HDAC9: variants seen among roughly 807,000 people sequenced by gnomAD.
HDAC9 encodes MEF-2 interacting transcription repressor (MITR) protein.
A neutral mutation model predicts 139.4 loss-of-function variants in HDAC9; 41 were observed. That is an observed-to-expected ratio of 0.29 (90% CI 0.23 to 0.38). The LOEUF is 0.38. HDAC9 is among the 10% of genes least tolerant of loss of function. The pLI, the probability that HDAC9 is intolerant of heterozygous loss-of-function variation, is 1.00. For missense variants in HDAC9, 1,147 were observed against 1,297.0 expected (o/e 0.88, Z 1.78); for synonymous variants, 517 against 476.2 (o/e 1.09, Z -1.12).
At chr7:18,267,790 C>A (rs1007495484) in intron 2 of HDAC9, among the ~76,000 whole-genome samples, 1 of 152,072 alleles carries the variant, frequency 6.6e-6, no homozygotes, top group Non-Finnish European at 1.5e-5. Flanking sequence ...ATATTTACTT[C>A]ATTTCCTTTT....
chr7:18,454,733 A>G (rs564797983), intron 1 of HDAC9, among the ~76,000 whole-genome samples: 1 of 152,230 alleles, frequency 6.6e-6, no homozygotes, highest in East Asian at 1.9e-4. Context: ...TGCTATTTTC[A>G]GCATTTATCC....
At chr7:18,128,834 C>A (rs1467451465) in intron 1 of HDAC9, among the ~76,000 whole-genome samples, 1 of 152,038 alleles carries the variant, frequency 6.6e-6, no homozygotes, top group Non-Finnish European at 1.5e-5. Flanking sequence ...TGTCTTCCTT[C>A]CCTCTCTTCC....
chr7:18,374,687 C>G (rs1040338237), intron 1 of HDAC9, among the ~76,000 whole-genome samples: 2 of 151,878 alleles, frequency 1.3e-5, no homozygotes, highest in African/African-American at 4.8e-5. Flanking sequence ...CATTGTTATG[C>G]TGGGTGTCTC....
At chr7:18,912,211 T>C (rs971346956) in intron 22 of HDAC9, among the ~76,000 whole-genome samples, 1 of 152,074 alleles carries the variant, frequency 6.6e-6, no homozygotes, top group Non-Finnish European at 1.5e-5. Context: ...GCTCAATTCA[T>C]CTTATTATCA....
intron 3 of HDAC9, among the ~76,000 whole-genome samples, chr7:18,588,065 A>G (rs557474712): frequency 1.3e-5 from 2 of 152,354 alleles, no homozygotes; most frequent in South Asian, 2.1e-4. Flanking sequence ...ATTGAAGCCA[A>G]AACACCAAAG....
chr7:18,692,011 C>T (rs1782708102), intron 12 of HDAC9, among the ~76,000 whole-genome samples: 1 of 152,012 alleles, frequency 6.6e-6, no homozygotes, highest in Non-Finnish European at 1.5e-5. Flanking sequence ...TCTCAAGTTC[C>T]TCATCAATGA....
At chr7:18,187,296 G>T (rs1789990116) in intron 2 of HDAC9, among the ~76,000 whole-genome samples, 1 of 152,162 alleles carries the variant, frequency 6.6e-6, no homozygotes. Context: ...TATAAATGAG[G>T]ATACTGAGGG....
intron 1 of HDAC9, among the ~76,000 whole-genome samples, chr7:18,304,468 G>A (rs1316992987): frequency 1.3e-5 from 2 of 152,082 alleles, no homozygotes; most frequent in Non-Finnish European, 2.9e-5. Flanking sequence ...TTAATTCTTA[G>A]CAAGCATCAT....
chr7:18,320,640 C>T (rs1462945088), intron 1 of HDAC9, among the ~76,000 whole-genome samples: 1 of 152,142 alleles, frequency 6.6e-6, no homozygotes, highest in Non-Finnish European at 1.5e-5. Context: ...CTTCATTGTG[C>T]TCTGGTATAT....
intron 2 of HDAC9, among the ~76,000 whole-genome samples, chr7:18,508,164 G>C (rs1206048072): frequency 7.9e-5 from 12 of 152,190 alleles, no homozygotes; most frequent in African/African-American, 2.9e-4. Context: ...ACTTGAGATA[G>C]GAATTAGTAT....
chr7:18,407,956 T>C lies in HDAC9; in HGVS notation c.-41-88306T>C, dbSNP rs1034487501. Among the ~76,000 whole-genome samples the C allele has an allele frequency of 2.0e-5, 3 of 152,090 alleles. No homozygotes were observed. The East Asian group carries it at 5.8e-4, about 29-fold the overall frequency. On this transcript the variant is annotated intron_variant, in intron 1 of 3. Coordinates refer to the HDAC9 transcript ENST00000413509. ...AGAAACACTTTGGATTCTAATGGAG[T>C]GAGTTTGAGTTCTGGCCATATTCAA...
intron 12 of HDAC9, among the ~76,000 whole-genome samples, chr7:18,690,896 G>C (rs1266525352): frequency 6.6e-6 from 1 of 151,830 alleles, no homozygotes; most frequent in Non-Finnish European, 1.5e-5. Flanking sequence ...TCCTCACTCA[G>C]AAACAAAAGC....
rs547546577 is a variant in HDAC9 at position 18,445,820 on chromosome 7, C to G, written c.-41-50442C>G. 5.3e-5 allele frequency among the ~76,000 whole-genome samples: 8 copies of G among 152,258 alleles called. No homozygotes were observed. The South Asian group carries it at 1.7e-3, about 32-fold the overall frequency. On this transcript the variant is annotated intron_variant, in intron 1 of 3. Transcript: ENST00000413509. ...AGTTGACAGCAATATTTGAAAATAT[C>G]CTGAAAATGGTTTGACCTTTTCATT...
chr7:18,350,082 T>G (rs1782737406), intron 1 of HDAC9, among the ~76,000 whole-genome samples: 1 of 152,282 alleles, frequency 6.6e-6, no homozygotes, highest in South Asian at 2.1e-4. Flanking sequence ...TATTATCTTT[T>G]ATTTTGAAGT....
At chr7:18,131,347 T>C (rs1284427004) in intron 1 of HDAC9, among the ~76,000 whole-genome samples, 2 of 152,076 alleles carry the variant, frequency 1.3e-5, no homozygotes, top group Non-Finnish European at 2.9e-5. Context: ...ATAGCAAAAT[T>C]TGGTTGTTGG....
At chr7:18,504,400 G>T (rs1295441079) in intron 2 of HDAC9, among the ~76,000 whole-genome samples, 2 of 152,168 alleles carry the variant, frequency 1.3e-5, no homozygotes, top group Non-Finnish European at 2.9e-5. Flanking sequence ...CCACCTTCTG[G>T]TTCAAGTGAT....
At position 18,919,019 on chromosome 7, in the gene HDAC9, G is replaced by A. The variant is rs529765102; in HGVS notation, c.2804-16790G>A. On this transcript the variant is annotated intron_variant, in intron 22 of 25. Transcript: ENST00000686413. ...GCCCTTTTAAGTCGTTGGTAATAAAGAGGTAATTACAACATAGAAAACTTT... is the reference window on the plus strand; with the variant it reads ...GCCCTTTTAAGTCGTTGGTAATAAAAAGGTAATTACAACATAGAAAACTTT... Among the ~76,000 whole-genome samples the A allele has an allele frequency of 3.7e-4, 57 of 152,074 alleles. No homozygotes were observed. The South Asian group carries it at 8.5e-3, about 23-fold the overall frequency.
chr7:18,527,013 A>G (rs1807166717), intron 2 of HDAC9, among the ~76,000 whole-genome samples: 1 of 152,284 alleles, frequency 6.6e-6, no homozygotes, highest in Admixed American at 6.5e-5. Context: ...ATGATTTAGT[A>G]TAGAAAAAGG....
chr7:18,647,748 G>A, intron 9 of HDAC9, 37 bp from the exon 10 acceptor site: 7 of 1,531,528 alleles, frequency 4.6e-6, no homozygotes, highest in Non-Finnish European at 5.3e-6. Flanking sequence ...CCACATGGAT[G>A]AAAGAGGATT....
Sources: gnomAD v4.1 joint callset for allele counts (sites outside exome capture counted in the v4.1 genomes callset) on GRCh38, gnomAD v4.1.1 for gene constraint, MANE v1.5 for transcripts, NCBI Gene and HGNC (gene_info 2026-07-23, HGNC 2026-07-21) for gene names.